Variants in PTPRJ observed in about 807,000 individuals in gnomAD.
The protein encoded by PTPRJ is protein tyrosine phosphatase receptor type J.
In PTPRJ, 129 loss-of-function variants were observed where a neutral mutation model predicts 141.3. The observed-to-expected ratio is 0.91, with a 90% CI of 0.79 to 1.06. The LOEUF is 1.06. PTPRJ is among the 50% of genes least tolerant of loss of function. The probability of loss-of-function intolerance (pLI) is 0.00; values close to 1 mark genes in which losing one functional copy is unlikely to be tolerated. For synonymous variants in PTPRJ, 610 were observed against 640.5 expected, an observed-to-expected ratio of 0.95 and a Z score of 0.72; for missense variants, 1,601 against 1,679.7, an observed-to-expected ratio of 0.95 and a Z score of 0.82.
rs1857125379 is a variant in PTPRJ, at chr11:48,137,235, G to C, written c.2106G>C (p.Gly702=). 6.2e-7 allele frequency: 1 copy of C among 1,613,770 alleles called. No homozygotes were observed. Among genetic ancestry groups the C allele is most frequent in the African/African-American group, 1.3e-5 (1 of 74,894 alleles). The change falls in exon 10 of 25, where the codon GGG becomes GGC. Residue 702 remains glycine (G), a synonymous_variant. Coordinates refer to ENST00000418331, the MANE Select transcript of PTPRJ (RefSeq NM_002843.4). ...CAGTGGAGATCTTTGCACAAGTAGG[G>C]GATGGGATCAAGTCACTGGAACCTG... ...SYTVEIFAQV[G]DGIKSLEPGR... is the part of the protein sequence containing the mutation.
intron 1 of PTPRJ, among the ~76,000 whole-genome samples, chr11:48,005,102 A>C (rs1241514013): frequency 2.0e-5 from 3 of 151,996 alleles, no homozygotes; most frequent in Non-Finnish European, 4.4e-5. Flanking sequence ...GGTGCCTCTA[A>C]TCCCACCTGC....
intron 1 of PTPRJ, among the ~76,000 whole-genome samples, chr11:47,999,261 G>C (rs1394773145): frequency 6.6e-6 from 1 of 152,214 alleles, no homozygotes; most frequent in African/African-American, 2.4e-5. Context: ...GCTGTCTTTG[G>C]CTGCAGCTGA....
At chr11:48,152,543 ATTGCC>A (rs1857509872) in intron 18 of PTPRJ, among the ~76,000 whole-genome samples, 1 of 152,164 alleles carries the variant, frequency 6.6e-6, no homozygotes, top group Non-Finnish European at 1.5e-5. Context: ...CCTGAATAGT[ATTGCC>A]TAGGTTTTCT....
At chr11:48,076,785 C>CAA (rs754092531) in intron 1 of PTPRJ, among the ~76,000 whole-genome samples, 49 of 92,260 alleles carry the variant, frequency 5.3e-4, no homozygotes, top group African/African-American at 1.6e-3. Flanking sequence ...AGTGAAGTTC[C>CAA]AAAAAAAAAA....
intron 3 of PTPRJ, among the ~76,000 whole-genome samples, chr11:48,115,026 A>G (rs1433541474): frequency 6.6e-6 from 1 of 152,220 alleles, no homozygotes; most frequent in Non-Finnish European, 1.5e-5. Context: ...AAAAAAGTGG[A>G]TAAAAAGGAA....
intron 1 of PTPRJ, among the ~76,000 whole-genome samples, chr11:48,056,953 T>TCAAAA (rs761735478): frequency 2.8e-4 from 43 of 152,132 alleles, no homozygotes; most frequent in African/African-American, 8.7e-4. Flanking sequence ...AAACTCTGTC[T>TCAAAA]CAAAACAAAA....
At chr11:47,982,265 G>A (rs1010425281) in intron 1 of PTPRJ, among the ~76,000 whole-genome samples, 2 of 152,208 alleles carry the variant, frequency 1.3e-5, no homozygotes, top group African/African-American at 2.4e-5. Flanking sequence ...GGGAGTAGAT[G>A]TCAGGAGACT....
intron 1 of PTPRJ, among the ~76,000 whole-genome samples, chr11:48,082,238 T>C (rs1371797317): frequency 6.6e-6 from 1 of 152,166 alleles, no homozygotes; most frequent in Non-Finnish European, 1.5e-5. Context: ...CAGTTTCTCT[T>C]CTTTTTACTT....
chr11:48,123,901 T>A, intron 5 of PTPRJ, 31 bp downstream of exon 5: 2 of 1,576,068 alleles, frequency 1.3e-6, no homozygotes, highest in Non-Finnish European at 1.7e-6. Flanking sequence ...TCCGTCTCCC[T>A]TACTGGTTCT....
rs1245006630 is a variant in PTPRJ, at chr11:48,168,536, A to G, written c.*1174A>G. 3.7e-4 allele frequency: 9 copies of G among 24,474 alleles called. No homozygotes were observed. Among genetic ancestry groups the G allele is most frequent in the African/African-American group, 6.8e-4 (4 of 5,856 alleles). 1.5% of individuals were successfully genotyped at this position (24,474 alleles called of 1,614,324 possible). ...TGACACATATCGGAATCTACTGTGT[A>G]TATATATATATATATATATATATAT... On this transcript the variant is annotated 3_prime_UTR_variant, in exon 25 of 25. Coordinates refer to ENST00000418331, the MANE Select transcript of PTPRJ (RefSeq NM_002843.4).
Position 48,121,031 on chromosome 11 carries a change from T to C in PTPRJ, c.381T>C (p.Ala127=). The C allele has an allele frequency of 6.2e-7, 1 of 1,608,310 alleles. No individual in the cohort carries two copies. Among genetic ancestry groups the C allele is most frequent in the Non-Finnish European group, 8.5e-7 (1 of 1,177,004 alleles). ...CCAGTCCTGTGTTTGACATTAAAGC[T>C]GTTTCCATCAGTCCAACCAATGTGA... ...TGPSPVFDIK[A]VSISPTNVIL... The change falls in exon 4 of 25, where the codon GCT becomes GCC. Residue 127 remains alanine (A), a synonymous_variant. Transcript: ENST00000418331.
At chr11:48,111,370 T>C (rs949738384) in intron 2 of PTPRJ, among the ~76,000 whole-genome samples, 1 of 143,876 alleles carries the variant, frequency 7.0e-6, no homozygotes, top group African/African-American at 2.6e-5. Context: ...AAAAAAACCA[T>C]GGTTTTTGTT....
At chr11:47,996,523 G>A (rs139619203) in intron 1 of PTPRJ, among the ~76,000 whole-genome samples, 221 of 152,280 alleles carry the variant, frequency 1.5e-3, no homozygotes, top group Middle Eastern at 0.01. Context: ...CACTGCATCT[G>A]TAGCAACAAC....
intron 18 of PTPRJ, among the ~76,000 whole-genome samples, chr11:48,152,203 A>G (rs976330252): frequency 6.6e-6 from 1 of 152,022 alleles, no homozygotes; most frequent in African/African-American, 2.4e-5. Flanking sequence ...GCCAGCGATG[A>G]TGAGCATTTT....
At chr11:48,032,565 G>T (rs899860841) in intron 1 of PTPRJ, among the ~76,000 whole-genome samples, 3 of 152,136 alleles carry the variant, frequency 2.0e-5, no homozygotes, top group Non-Finnish European at 4.4e-5. Flanking sequence ...TTCAAGACCA[G>T]CCTGACCAAC....
chr11:48,155,983 A>G lies in PTPRJ; in HGVS notation c.3304-2A>G. 6.2e-7 allele frequency: 1 copy of G among 1,609,654 alleles called. No homozygotes were observed. Among genetic ancestry groups the G allele is most frequent in the Non-Finnish European group, 8.5e-7 (1 of 1,176,496 alleles). ...TGACTATGTGCTGTTTCCCATTTTT[A>G]GGGCTACCACTCCAAGAAAGATTTT... On this transcript the variant is annotated splice_acceptor_variant, in intron 20 of 24. Transcript: ENST00000418331. LOFTEE classifies it high-confidence loss of function.
chr11:48,049,883 A>G (rs1246444169), intron 1 of PTPRJ, among the ~76,000 whole-genome samples: 3 of 152,174 alleles, frequency 2.0e-5, no homozygotes, highest in Admixed American at 2.0e-4. Flanking sequence ...TAGCCCTCCT[A>G]TATGAAACCC....
intron 1 of PTPRJ, among the ~76,000 whole-genome samples, chr11:48,012,658 G>GC (rs1854835895): frequency 6.6e-6 from 1 of 152,122 alleles, no homozygotes; most frequent in Non-Finnish European, 1.5e-5. Flanking sequence ...TCCAGGGTGA[G>GC]CCCCTTGAGA....
At chr11:48,094,206 GT>G (rs2134303228) in intron 1 of PTPRJ, among the ~76,000 whole-genome samples, 1 of 152,350 alleles carries the variant, frequency 6.6e-6, no homozygotes, top group Non-Finnish European at 1.5e-5. Context: ...CAAGTACAAT[GT>G]TCCCCTGATA....
Sources: gnomAD v4.1 joint callset for allele counts (sites outside exome capture counted in the v4.1 genomes callset) on GRCh38, gnomAD v4.1.1 for gene constraint, MANE v1.5 for transcripts, NCBI Gene and HGNC (gene_info 2026-07-23, HGNC 2026-07-21) for gene names.